IFT88: variants seen among roughly 807,000 people sequenced by gnomAD.
The protein encoded by IFT88 is intraflagellar transport 88, also known as intraflagellar transport protein 88 homolog.
A neutral mutation model predicts 119.5 loss-of-function variants in IFT88; 74 were observed. That is an observed-to-expected ratio of 0.62 (90% CI 0.51 to 0.75). The LOEUF (loss-of-function observed/expected upper bound fraction) is 0.75. Among genes scored for constraint, IFT88 ranks in the 30% least tolerant of loss-of-function variants. IFT88 has a pLI of 0.00. For missense variants in IFT88, 961 were observed against 977.7 expected (o/e 0.98, Z 0.23); for synonymous variants, 279 against 316.7 (o/e 0.88, Z 1.26).
At position 20,606,699 on chromosome 13, in the gene IFT88, T is replaced by C. The variant is rs894294026; in HGVS notation, c.1112+1594T>C. ...TTCGAGACCAGCCTGACCAATATGG[T>C]GAAACCTCATCTTTACTAAAAATAC... On this transcript the variant is annotated intron_variant, in intron 13 of 25. Transcript: ENST00000351808. Among the ~76,000 whole-genome samples the C allele has an allele frequency of 3.3e-5, 5 of 152,002 alleles. 1 individual carries two copies. Among genetic ancestry groups the C allele is most frequent in the Admixed American group, 2.0e-4 (3 of 15,252 alleles).
intron 14 of IFT88, 118 bp from the exon 15 acceptor site, chr13:20,625,632 C>T: frequency 1.6e-6 from 1 of 619,076 alleles, no homozygotes; most frequent in Non-Finnish European, 2.8e-6. Flanking sequence ...CGAGTGCTTA[C>T]CTTTACAGAG....
intron 14 of IFT88, among the ~76,000 whole-genome samples, chr13:20,620,946 G>A (rs573611947): frequency 1.3e-5 from 2 of 152,362 alleles, no homozygotes; most frequent in East Asian, 1.9e-4. Context: ...GAAGCAGGAA[G>A]TGGTCACTCA....
intron 24 of IFT88, among the ~76,000 whole-genome samples, chr13:20,677,269 ATAATG>A (rs1370686488): frequency 6.6e-6 from 1 of 152,170 alleles, no homozygotes; most frequent in Non-Finnish European, 1.5e-5. Flanking sequence ...TTGTTGGGTA[ATAATG>A]TAATGGGATC....
At chr13:20,590,903 TG>T in intron 4 of IFT88, 63 bp from the exon 5 acceptor site, 4 of 1,112,472 alleles carry the variant, frequency 3.6e-6, no homozygotes, top group Non-Finnish European at 5.4e-6. Context: ...TTCTATAACT[TG>T]GTTTAAACAT....
At chr13:20,579,274 T>G (rs2038067967) in intron 2 of IFT88, among the ~76,000 whole-genome samples, 1 of 152,182 alleles carries the variant, frequency 6.6e-6, no homozygotes, top group Non-Finnish European at 1.5e-5. Context: ...AGAGATGCTG[T>G]CTGGGAGCCA....
At chr13:20,606,431 G>A (rs1010578972) in intron 13 of IFT88, among the ~76,000 whole-genome samples, 6 of 152,130 alleles carry the variant, frequency 3.9e-5, no homozygotes, top group Non-Finnish European at 7.3e-5. Context: ...GGGTGTCAAC[G>A]GAGGCCATGT....
intron 22 of IFT88, among the ~76,000 whole-genome samples, chr13:20,658,673 G>A (rs2053281717): frequency 1.3e-5 from 2 of 152,172 alleles, no homozygotes; most frequent in Non-Finnish European, 2.9e-5. Flanking sequence ...CCATCCAGGG[G>A]ATTATGGAAT....
intron 1 of IFT88, among the ~76,000 whole-genome samples, chr13:20,572,132 C>G (rs1214767561): frequency 1.3e-5 from 2 of 152,032 alleles, no homozygotes; most frequent in Non-Finnish European, 2.9e-5. Flanking sequence ...GAATGTTACT[C>G]CTGCTACCTA....
rs1212776191 is a variant in IFT88, at chr13:20,685,811, C to G, written c.2243-4894C>G. ...AGGAGAATTGTTTGAACCCGGGAGG[C>G]AGAGGTTGCAGTGAGCCGAGATTGC... On this transcript the variant is annotated intron_variant, in intron 24 of 25. Transcript: ENST00000351808. Among the ~76,000 whole-genome samples, 4 of 152,354 alleles carry G rather than the reference C, an allele frequency of 2.6e-5. No individual in the cohort carries two copies. The South Asian group carries it at 8.3e-4, about 32-fold the overall frequency.
intron 9 of IFT88, among the ~76,000 whole-genome samples, chr13:20,597,745 C>CAAAAAA (rs1174154005): frequency 4.3e-5 from 6 of 140,862 alleles, no homozygotes; most frequent in Non-Finnish European, 6.2e-5. Flanking sequence ...GACTCCGTCT[C>CAAAAAA]AAAAAAAAAA....
intron 24 of IFT88, among the ~76,000 whole-genome samples, chr13:20,690,297 A>G (rs984086379): frequency 6.6e-6 from 1 of 152,214 alleles, no homozygotes; most frequent in Non-Finnish European, 1.5e-5. Context: ...AAAAAGTACT[A>G]CTAACATTTC....
intron 25 of IFT88, 40 bp downstream of exon 25, chr13:20,690,855 C>A: frequency 1.3e-6 from 2 of 1,491,020 alleles, no homozygotes; most frequent in South Asian, 1.1e-5. Flanking sequence ...CATAGCAGGT[C>A]TGAAGAAGAA....
At chr13:20,674,807 G>A (rs7318727) in intron 24 of IFT88, among the ~76,000 whole-genome samples, 23,619 of 140,022 alleles carry the variant, frequency 0.17, 2,281 homozygotes, top group African/African-American at 0.26. Context: ...TCCACCTCCC[G>A]GGTTCACACC....
chr13:20,600,907 C>T (rs1168689819), intron 11 of IFT88, among the ~76,000 whole-genome samples: 1 of 152,154 alleles, frequency 6.6e-6, no homozygotes, highest in Admixed American at 6.5e-5. Context: ...GGTATGTATT[C>T]ATACTATGAA....
At chr13:20,653,967 CT>C in intron 21 of IFT88, 39 bp downstream of exon 21, 1 of 1,307,522 alleles carries the variant, frequency 7.6e-7, no homozygotes, top group Non-Finnish European at 1.1e-6. Flanking sequence ...AGATATTTTG[CT>C]TCTTTCCTTT....
rs144232092 is a variant in IFT88, at chr13:20,674,495, C to T, written c.2242+3456C>T. ...CATTTTTAAAGTGCTTTTTGGTTTA[C>T]CCTGTGTGATTTTTAATGGCTTTCT... On this transcript the variant is annotated intron_variant, in intron 24 of 25. Transcript: ENST00000351808. Among the ~76,000 whole-genome samples the T allele has an allele frequency of 9.8e-3, 1,490 of 151,708 alleles. 25 individuals are homozygous for T. The highest frequency in any genetic ancestry group is 0.034 in the African/African-American group (1,397 of 41,404).
rs777844550 is a variant in IFT88 at position 20,597,046 on chromosome 13, AAG to A, written c.528_529del (p.Arg176SerfsTer34). ...GAAAAGGCAAAAGATGCAGGAAGAA[AAG>A]AGAGAGTCCTGGTGAGACAGCGAGA... On this transcript the variant is annotated frameshift_variant, in exon 9 of 26. Transcript: ENST00000351808. LOFTEE classifies it high-confidence loss of function. 1.9e-6 allele frequency: 3 copies of A among 1,607,088 alleles called. No homozygotes were observed. Among genetic ancestry groups the A allele is most frequent in the Middle Eastern group, 1.7e-4 (1 of 6,048 alleles).
At chr13:20,663,420 T>C in intron 22 of IFT88, 78 bp from the exon 23 acceptor site, 1 of 1,573,068 alleles carries the variant, frequency 6.4e-7, no homozygotes, top group East Asian at 2.4e-5. Context: ...CCCAAAAGAC[T>C]GAGTTCACTG....
At chr13:20,652,575 C>T (rs2051949399) in intron 20 of IFT88, among the ~76,000 whole-genome samples, 1 of 151,546 alleles carries the variant, frequency 6.6e-6, no homozygotes. Context: ...GAGATCATGC[C>T]ACTGCACTTC....
Sources: allele counts gnomAD v4.1 joint callset (sites outside exome capture counted in the v4.1 genomes callset), GRCh38; gene constraint gnomAD v4.1.1; transcripts MANE v1.5; gene names NCBI Gene and HGNC (gene_info 2026-07-23, HGNC 2026-07-21).